LRFN5: variants seen among roughly 807,000 people sequenced by gnomAD.
LRFN5 encodes leucine-rich repeat and fibronectin type-III domain-containing protein 5.
A neutral mutation model predicts 45.6 loss-of-function variants in LRFN5; 24 were observed. That is an observed-to-expected ratio of 0.53 (90% CI 0.38 to 0.74). The LOEUF (loss-of-function observed/expected upper bound fraction) is 0.74. Among genes scored for constraint, LRFN5 ranks in the 30% least tolerant of loss-of-function variants. LRFN5 has a pLI of 0.00. For synonymous variants in LRFN5, 340 were observed against 313.8 expected (o/e 1.08, Z -0.88); for missense variants, 776 against 861.5 (o/e 0.90, Z 1.24).
intron 1 of LRFN5, among the ~76,000 whole-genome samples, chr14:41,617,642 A>C (rs1393643107): frequency 2.0e-5 from 3 of 152,104 alleles, no homozygotes; most frequent in Non-Finnish European, 4.4e-5. Flanking sequence ...GAGATTCTGT[A>C]GTTGTTTGTA....
chr14:41,872,201 T>C (rs1306860752), intron 2 of LRFN5, among the ~76,000 whole-genome samples: 2 of 152,242 alleles, frequency 1.3e-5, no homozygotes, highest in Non-Finnish European at 2.9e-5. Flanking sequence ...TGTCAAAAAC[T>C]TCTCAATTAG....
intron 1 of LRFN5, among the ~76,000 whole-genome samples, chr14:41,730,032 G>A (rs563223094): frequency 6.6e-6 from 1 of 151,842 alleles, no homozygotes; most frequent in South Asian, 2.1e-4. Context: ...TAGAAGTAAT[G>A]TTCTGTATAT....
intron 1 of LRFN5, among the ~76,000 whole-genome samples, chr14:41,652,132 T>C (rs1594583533): frequency 6.6e-6 from 1 of 152,108 alleles, no homozygotes; most frequent in Admixed American, 6.6e-5. Flanking sequence ...GACTGATGTA[T>C]AGATAAATGA....
At chr14:41,664,136 C>T (rs1880785506) in intron 1 of LRFN5, among the ~76,000 whole-genome samples, 1 of 151,962 alleles carries the variant, frequency 6.6e-6, no homozygotes, top group South Asian at 2.1e-4. Flanking sequence ...GTTTGCAAAT[C>T]ATGTGTAGGT....
At chr14:41,767,386 A>T (rs944648753) in intron 2 of LRFN5, among the ~76,000 whole-genome samples, 2 of 152,182 alleles carry the variant, frequency 1.3e-5, no homozygotes, top group Non-Finnish European at 2.9e-5. Flanking sequence ...CAAATATTTT[A>T]TCAAATTTGC....
rs546108555 is a variant in LRFN5 at position 41,652,356 on chromosome 14, A to G, written c.-197+43794A>G. Reference sequence around the variant, plus strand: ...TGAATTTTTTTTGTGATATGCAATCATTGTTAAATCAATAAGTCAGTTAAC... The same window carrying G: ...TGAATTTTTTTTGTGATATGCAATCGTTGTTAAATCAATAAGTCAGTTAAC... On this transcript the variant is annotated intron_variant, in intron 1 of 5. Coordinates refer to ENST00000298119, the MANE Select transcript of LRFN5 (RefSeq NM_152447.5). Among the ~76,000 whole-genome samples the G allele has an allele frequency of 6.6e-5, 10 of 152,244 alleles. 1 individual carries two copies. The highest frequency in any genetic ancestry group is 2.4e-4 in the African/African-American group (10 of 41,560).
intron 2 of LRFN5, among the ~76,000 whole-genome samples, chr14:41,805,554 C>CCA (rs1887495025): frequency 8.9e-6 from 1 of 112,622 alleles, no homozygotes; most frequent in Non-Finnish European, 2.1e-5. Flanking sequence ...TATCCCTCCA[C>CCA]CCCCCCCACC....
chr14:41,761,347 G>C (rs1332752310), intron 1 of LRFN5, among the ~76,000 whole-genome samples: 1 of 151,630 alleles, frequency 6.6e-6, no homozygotes, highest in Non-Finnish European at 1.5e-5. Context: ...AGAAAGAAGG[G>C]AGAAGGGAAG....
chr14:41,833,512 A>G (rs866836291), intron 2 of LRFN5, among the ~76,000 whole-genome samples: 27 of 152,330 alleles, frequency 1.8e-4, no homozygotes, highest in African/African-American at 6.0e-4. Flanking sequence ...ATCTCTTTCA[A>G]GGCAAAGTTA....
intron 2 of LRFN5, among the ~76,000 whole-genome samples, chr14:41,794,803 T>TA (rs568388925): frequency 7.2e-5 from 11 of 151,940 alleles, no homozygotes; most frequent in Non-Finnish European, 1.5e-4. Context: ...TTGCAGCATA[T>TA]AAAAAAATGC....
intron 2 of LRFN5, among the ~76,000 whole-genome samples, chr14:41,841,193 A>G (rs1371975517): frequency 6.6e-6 from 1 of 151,960 alleles, no homozygotes; most frequent in Non-Finnish European, 1.5e-5. Context: ...CTAGTATCAC[A>G]TTTTAATAAT....
At chr14:41,775,646 C>T (rs1343485469) in intron 2 of LRFN5, among the ~76,000 whole-genome samples, 1 of 152,090 alleles carries the variant, frequency 6.6e-6, no homozygotes, top group Non-Finnish European at 1.5e-5. Flanking sequence ...TATTTCAATA[C>T]CTACTGCAGT....
chr14:41,784,227 T>C (rs1384356093), intron 2 of LRFN5, among the ~76,000 whole-genome samples: 2 of 152,266 alleles, frequency 1.3e-5, no homozygotes, highest in South Asian at 2.1e-4. Flanking sequence ...TAGTGATTTT[T>C]GACACTTTAT....
rs1887806177 is a variant in LRFN5, at chr14:41,813,418, C to G, written c.-21+46389C>G. On this transcript the variant is annotated intron_variant, in intron 2 of 5. Coordinates refer to ENST00000298119, the MANE Select transcript of LRFN5 (RefSeq NM_152447.5). ...GCCCATATGTTCTCATTGTTCAACT[C>G]CCACTTATGAGTGAGAACAAATGGT... is the stretch of plus-strand genomic sequence containing the variant. Among the ~76,000 whole-genome samples the G allele has an allele frequency of 1.3e-5, 2 of 152,212 alleles. 1 individual carries two copies. Among genetic ancestry groups the G allele is most frequent in the Middle Eastern group, 6.8e-3 (2 of 294 alleles).
intron 1 of LRFN5, among the ~76,000 whole-genome samples, chr14:41,693,876 G>C (rs1033232897): frequency 6.6e-6 from 1 of 151,912 alleles, no homozygotes; most frequent in Non-Finnish European, 1.5e-5. Flanking sequence ...GTCCTCCATT[G>C]GTTTAATGTT....
chr14:41,902,396 G>T (rs1048382676), intron 5 of LRFN5, among the ~76,000 whole-genome samples: 8 of 151,694 alleles, frequency 5.3e-5, no homozygotes, highest in Admixed American at 5.3e-4. Flanking sequence ...ATTACTATAG[G>T]AGCTATCTAT....
chr14:41,832,231 TA>T (rs1888509265), intron 2 of LRFN5, among the ~76,000 whole-genome samples: 1 of 152,294 alleles, frequency 6.6e-6, no homozygotes, highest in East Asian at 1.9e-4. Context: ...AACAAATTTT[TA>T]TTTCTGAATT....
At chr14:41,899,651 C>T (rs1477443696) in intron 5 of LRFN5, among the ~76,000 whole-genome samples, 2 of 152,180 alleles carry the variant, frequency 1.3e-5, no homozygotes, top group East Asian at 1.9e-4. Flanking sequence ...GTTTGGCACA[C>T]ACACAAAAAT....
intron 2 of LRFN5, among the ~76,000 whole-genome samples, chr14:41,855,807 T>A (rs1405955544): frequency 6.6e-6 from 1 of 152,158 alleles, no homozygotes; most frequent in Non-Finnish European, 1.5e-5. Context: ...TGCAAAACTG[T>A]TTTACCTCTT....
Sources: gnomAD v4.1 joint callset for allele counts (sites outside exome capture counted in the v4.1 genomes callset) on GRCh38, gnomAD v4.1.1 for gene constraint, MANE v1.5 for transcripts, NCBI Gene and HGNC (gene_info 2026-07-23, HGNC 2026-07-21) for gene names.